Variants in USP6NL observed in about 807,000 individuals in gnomAD.
USP6NL encodes USP6 N-terminal like, also known as USP6 N-terminal-like protein.
A neutral mutation model predicts 61.9 loss-of-function variants in USP6NL; 26 were observed. That is an observed-to-expected ratio of 0.42 (90% CI 0.31 to 0.58). The LOEUF is 0.58. Among genes scored for constraint, USP6NL ranks in the 20% least tolerant of loss-of-function variants. USP6NL has a pLI of 0.16. For synonymous variants in USP6NL, 432 were observed against 390.1 expected, an observed-to-expected ratio of 1.11 and a Z score of -1.27; for missense variants, 1,114 against 1,034.3, an observed-to-expected ratio of 1.08 and a Z score of -1.06.
At chr10:11,599,298 G>A (rs1011792220) in intron 1 of USP6NL, among the ~76,000 whole-genome samples, 2 of 152,110 alleles carry the variant, frequency 1.3e-5, no homozygotes, top group Admixed American at 6.6e-5. Flanking sequence ...GAGTCTAGTC[G>A]CTTTGACCAG....
rs1337664008 is a variant in USP6NL, at chr10:11,589,125, A to G, written c.4+8506T>C. On this transcript the variant is annotated intron_variant, in intron 2 of 14. Coordinates refer to ENST00000609104, the MANE Select transcript of USP6NL (RefSeq NM_014688.5). The surrounding 1 kb of genome is among the most constrained non-coding windows in gnomAD (Gnocchi z 4.7). ...CTAACAGCAGTAAAGGTTTCCCCTT[A>G]GCAGTAAGGCAACCTGCTTTATATA... 6.6e-6 allele frequency among the ~76,000 whole-genome samples: 1 copy of G among 152,210 alleles called. No homozygotes were observed. Among genetic ancestry groups the G allele is most frequent in the Non-Finnish European group, 1.5e-5 (1 of 68,026 alleles).
intron 2 of USP6NL, among the ~76,000 whole-genome samples, chr10:11,535,514 A>G (rs767339645): frequency 2.0e-5 from 3 of 152,250 alleles, no homozygotes; most frequent in Non-Finnish European, 4.4e-5. Flanking sequence ...AGGGAAAAGT[A>G]GCTGGTACAG....
Position 11,592,626 on chromosome 10 carries a change from A to T in USP6NL, c.4+5005T>A, listed in dbSNP as rs1838190658. On this transcript the variant is annotated intron_variant, in intron 2 of 14. Coordinates refer to ENST00000609104, the MANE Select transcript of USP6NL (RefSeq NM_014688.5). This position sits in a 1 kb window ranked among gnomAD's most constrained non-coding sequence, Gnocchi z 4.7. ...AATAACAGACATGCTGGCATTTCAA[A>T]GACAATTCAACTTAAATTTTCTTTT... Among the ~76,000 whole-genome samples the T allele has an allele frequency of 6.6e-6, 1 of 152,232 alleles. No individual in the cohort carries two copies. The highest frequency in any genetic ancestry group is 6.5e-5 in the Admixed American group (1 of 15,286).
At position 11,465,732 on chromosome 10, in the gene USP6NL, A is replaced by G. The variant is rs1218683836; in HGVS notation, c.1079-1883T>C. ...TGAGTTCCATGTTTCAGTCTGCATC[A>G]ATTCTCAATTCTCAATTAATGAAAA... On this transcript the variant is annotated intron_variant, in intron 14 of 14. Transcript: ENST00000609104. This position sits in a 1 kb window ranked among gnomAD's most constrained non-coding sequence, Gnocchi z 4.5. Among the ~76,000 whole-genome samples the G allele has an allele frequency of 2.0e-5, 3 of 152,076 alleles. No homozygotes were observed. The highest frequency in any genetic ancestry group is 7.2e-5 in the African/African-American group (3 of 41,404).
chr10:11,611,351 C>T lies in USP6NL; in HGVS notation c.-84+92G>A, dbSNP rs912386595. 2 of 152,070 alleles carry T rather than the reference C, an allele frequency of 1.3e-5. No individual in the cohort carries two copies. Among genetic ancestry groups the T allele is most frequent in the African/African-American group, 4.8e-5 (2 of 41,392 alleles). 9.4% of individuals were successfully genotyped at this position (152,070 alleles called of 1,614,324 possible). ...CCGGGAATGGCGGCGTCCGGCTCCC[C>T]GGGGCCAACTCCGAGTCCCGGCCCG... On this transcript the variant is annotated intron_variant, in intron 1 of 14. Coordinates refer to ENST00000609104, the MANE Select transcript of USP6NL (RefSeq NM_014688.5). This position sits in a 1 kb window ranked among gnomAD's most constrained non-coding sequence, Gnocchi z 5.3.
intron 3 of USP6NL, 71 bp downstream of exon 3, chr10:11,527,429 A>G (rs1835463221): frequency 1.4e-6 from 2 of 1,433,224 alleles, no homozygotes; most frequent in South Asian, 2.5e-5. Flanking sequence ...GCCCTCCAAA[A>G]AGCAAATCCA....
At chr10:11,473,949 G>A (rs1047198477) in intron 14 of USP6NL, among the ~76,000 whole-genome samples, 3 of 152,140 alleles carry the variant, frequency 2.0e-5, no homozygotes, top group Non-Finnish European at 4.4e-5. Context: ...GGTGGGCGAC[G>A]AGGGTCTAAG....
chr10:11,560,523 A>AC (rs1328718645), intron 2 of USP6NL, among the ~76,000 whole-genome samples: 2 of 151,498 alleles, frequency 1.3e-5, no homozygotes, highest in Non-Finnish European at 2.9e-5. Context: ...AAAACATGCT[A>AC]CCCCCCTCCT....
chr10:11,527,224 G>C (rs1045462363), intron 3 of USP6NL, among the ~76,000 whole-genome samples: 1 of 152,188 alleles, frequency 6.6e-6, no homozygotes, highest in African/African-American at 2.4e-5. Context: ...TGAGGCATGA[G>C]AATATCTGGG....
intron 5 of USP6NL, among the ~76,000 whole-genome samples, chr10:11,517,808 T>C (rs1240381754): frequency 1.3e-5 from 2 of 152,212 alleles, no homozygotes; most frequent in African/African-American, 4.8e-5. Flanking sequence ...TTCAGCCCCT[T>C]GTCCTCATCA....
At chr10:11,569,047 T>A (rs114234025) in intron 2 of USP6NL, among the ~76,000 whole-genome samples, 1 of 152,240 alleles carries the variant, frequency 6.6e-6, no homozygotes, top group African/African-American at 2.4e-5. Context: ...ATTCTTGTCA[T>A]AGTATCTTCT....
rs1838468429 is a variant in USP6NL at position 11,600,062 on chromosome 10, T to C, written c.-83-2345A>G. On this transcript the variant is annotated intron_variant, in intron 1 of 14. Transcript: ENST00000609104. The surrounding 1 kb of genome is among the most constrained non-coding windows in gnomAD (Gnocchi z 4.1). The stretch of plus-strand genomic sequence containing the variant: ...TGTTTAGACTCCCTTTCTCCTCCCC[T>C]AAATGCTACTTTTGCACTAAACATA... Among the ~76,000 whole-genome samples, 1 of 152,174 alleles carries C rather than the reference T, an allele frequency of 6.6e-6. No individual in the cohort carries two copies. The highest frequency in any genetic ancestry group is 2.1e-4 in the South Asian group (1 of 4,822).
chr10:11,541,770 C>T (rs1836076695), intron 2 of USP6NL, among the ~76,000 whole-genome samples: 1 of 152,104 alleles, frequency 6.6e-6, no homozygotes. Context: ...AGCAATAAAT[C>T]ATCTACCTAC....
Position 11,463,128 on chromosome 10 carries a change from G to A in USP6NL, c.1800C>T (p.Ser600=). The change falls in exon 15 of 15, where the codon TCC becomes TCT. Residue 600 remains serine, a synonymous_variant. Transcript: ENST00000609104. This position sits in a 1 kb window ranked among gnomAD's most constrained non-coding sequence, Gnocchi z 6.3. ...GCTGTACTTTAAAAGTAAACTTGTTGGATACTTTTGATGGACTAGAACTTG... is the reference window on the plus strand; with the variant it reads ...GCTGTACTTTAAAAGTAAACTTGTTAGATACTTTTGATGGACTAGAACTTG... The part of the protein sequence containing the change: ...AEPSSSPSKV[S]NKFTFKVQPP... The A allele has an allele frequency of 6.2e-7, 1 of 1,613,958 alleles. No individual in the cohort carries two copies. The highest frequency in any genetic ancestry group is 2.2e-5 in the East Asian group (1 of 44,876).
intron 3 of USP6NL, among the ~76,000 whole-genome samples, chr10:11,526,311 T>A (rs1411476507): frequency 4.6e-5 from 7 of 152,286 alleles, no homozygotes; most frequent in African/African-American, 1.4e-4. Flanking sequence ...GACACCTCCA[T>A]CTGTCTGCTT....
At position 11,476,107 on chromosome 10, in the gene USP6NL, C is replaced by G. The variant is rs2133200312; in HGVS notation, c.1078+5663G>C. On this transcript the variant is annotated intron_variant, in intron 14 of 14. Transcript: ENST00000609104. The surrounding 1 kb of genome is among the most constrained non-coding windows in gnomAD (Gnocchi z 4.3). ...GGGAAGAGGAAAGGTGTACTGCTCC[C>G]TGTCAAGCGACTTAAGCCCATAACA... Among the ~76,000 whole-genome samples, 1 of 152,298 alleles carries G rather than the reference C, an allele frequency of 6.6e-6. No individual in the cohort carries two copies. Among genetic ancestry groups the G allele is most frequent in the Admixed American group, 6.5e-5 (1 of 15,294 alleles).
intron 4 of USP6NL, among the ~76,000 whole-genome samples, chr10:11,521,007 AAGAG>A (rs1432002153): frequency 6.6e-6 from 1 of 152,220 alleles, no homozygotes; most frequent in Non-Finnish European, 1.5e-5. Flanking sequence ...CATCTCTGGA[AAGAG>A]AGAGACCTTA....
Position 11,553,962 on chromosome 10 carries a change from T to C in USP6NL, c.5-26395A>G, listed in dbSNP as rs1836589176. Among the ~76,000 whole-genome samples the C allele has an allele frequency of 6.6e-6, 1 of 151,770 alleles. No individual in the cohort carries two copies. The highest frequency in any genetic ancestry group is 1.5e-5 in the Non-Finnish European group (1 of 67,976). ...TCTCCTGATGTCTAAGAAATCTAGATATAAGTCATCCAGGTCTGATATGGG... is the reference window on the plus strand; with the variant it reads ...TCTCCTGATGTCTAAGAAATCTAGACATAAGTCATCCAGGTCTGATATGGG... On this transcript the variant is annotated intron_variant, in intron 2 of 14. Transcript: ENST00000609104. This position sits in a 1 kb window ranked among gnomAD's most constrained non-coding sequence, Gnocchi z 4.8.
chr10:11,471,057 C>T (rs1211256551), intron 14 of USP6NL, among the ~76,000 whole-genome samples: 1 of 152,148 alleles, frequency 6.6e-6, no homozygotes, highest in East Asian at 1.9e-4. Flanking sequence ...TGGTGGCAGG[C>T]ACCTGTAGTC....
Sources: allele counts gnomAD v4.1 joint callset (sites outside exome capture counted in the v4.1 genomes callset), GRCh38; gene constraint gnomAD v4.1.1; non-coding constraint Gnocchi (gnomAD v3.1); transcripts MANE v1.5; gene names NCBI Gene and HGNC (gene_info 2026-07-23, HGNC 2026-07-21).